Variants in GRPEL2 observed in about 807,000 individuals in gnomAD.
GRPEL2 encodes the protein grpE protein homolog 2, mitochondrial.
A neutral mutation model predicts 25.9 loss-of-function variants in GRPEL2; 18 were observed. The ratio of observed to expected loss-of-function variants is 0.70; its 90% confidence interval spans 0.48 to 1.03. The LOEUF (loss-of-function observed/expected upper bound fraction) is 1.03. GRPEL2 is among the 50% of genes least tolerant of loss of function. The probability of loss-of-function intolerance (pLI) is 0.00; values close to 1 mark genes in which losing one functional copy is unlikely to be tolerated. For missense variants in GRPEL2, 247 were observed against 276.2 expected (o/e 0.89, Z 0.75); for synonymous variants, 106 against 107.9 (o/e 0.98, Z 0.11).
At chr5:149,347,204 G>A (rs564362232) in intron 1 of GRPEL2, among the ~76,000 whole-genome samples, 519 of 152,226 alleles carry the variant, frequency 3.4e-3, no homozygotes, top group Non-Finnish European at 4.9e-3. Context: ...GATCAGCTTG[G>A]AAAGTAGGAG....
chr5:149,346,463 C>T (rs1431497642), intron 1 of GRPEL2, among the ~76,000 whole-genome samples: 2 of 152,158 alleles, frequency 1.3e-5, no homozygotes, highest in African/African-American at 4.8e-5. Context: ...ACACCTGACC[C>T]AACATCCTAC....
chr5:149,345,898 A>G, intron 1 of GRPEL2: 1 of 456,680 alleles, frequency 2.2e-6, no homozygotes, highest in Non-Finnish European at 3.9e-6. Flanking sequence ...GGGATGTACC[A>G]CTCTCCCGGC....
intron 2 of GRPEL2, among the ~76,000 whole-genome samples, chr5:149,349,418 T>C (rs536922807): frequency 6.6e-6 from 1 of 152,324 alleles, no homozygotes; most frequent in South Asian, 2.1e-4. Context: ...GATAATGAAC[T>C]TGAAACCGTT....
Position 149,351,322 on chromosome 5 carries a change from C to T in GRPEL2, c.*40C>T, listed in dbSNP as rs1366365363. 3 of 1,559,346 alleles carry T rather than the reference C, an allele frequency of 1.9e-6. No homozygotes were observed. The highest frequency in any genetic ancestry group is 1.9e-5 in the Admixed American group (1 of 52,764). On this transcript the variant is annotated 3_prime_UTR_variant, in exon 4 of 4. Transcript: ENST00000329271. ...ACTGGATGTTCTCCCAGAGCGCAGT[C>T]ACCTATGTTTCTTTTATTTATTAAA...
In GRPEL2 at chr5:149,348,418, A is replaced by G. The variant is rs756147941; in HGVS notation, c.224A>G (p.Asp75Gly). Residue 75 changes from aspartate (D) to glycine (G), a missense_variant, in exon 2 of 4, where the codon GAT (aspartate) becomes GGT (glycine). By Grantham distance (94) the Asp-to-Gly change is moderately conservative. Coordinates refer to ENST00000329271, the MANE Select transcript of GRPEL2 (RefSeq NM_152407.4). ...KAVKLEKEVQ[D>G]LTVRYQRAIA... is the part of the protein sequence containing the mutation. ...GTTAAACTGGAGAAAGAAGTCCAAG[A>G]TTTAACAGTGAGTCAATTTTATATT... 4 of 1,596,266 alleles carry G rather than the reference A, an allele frequency of 2.5e-6. No homozygotes were observed. The highest frequency in any genetic ancestry group is 3.4e-6 in the Non-Finnish European group (4 of 1,175,092).
At chr5:149,348,195 T>G (rs1223324791) in intron 1 of GRPEL2, 77 bp from the exon 2 acceptor site, 1 of 1,313,720 alleles carries the variant, frequency 7.6e-7, no homozygotes, top group Non-Finnish European at 1.1e-6. Context: ...TGGGAAGATC[T>G]CTGGTCTCTA....
chr5:149,349,949 C>T, intron 3 of GRPEL2: 1 of 554,554 alleles, frequency 1.8e-6, no homozygotes, highest in Admixed American at 3.5e-5. Flanking sequence ...GAGGCTGAGG[C>T]ACGAGAATCA....
At chr5:149,346,429 A>G (rs188892881) in intron 1 of GRPEL2, among the ~76,000 whole-genome samples, 299 of 152,310 alleles carry the variant, frequency 2.0e-3, no homozygotes, top group African/African-American at 6.8e-3. Flanking sequence ...GCTTAACTAC[A>G]TATGTCACCC....
rs112009937 is a variant in GRPEL2, at chr5:149,346,139, T to G, written c.77+523T>G. On this transcript the variant is annotated intron_variant, in intron 1 of 3. Coordinates refer to ENST00000329271, the MANE Select transcript of GRPEL2 (RefSeq NM_152407.4). ...GGCCGACTGCAGAATTATGGGTGGT[T>G]CTTTTTATTATTACCCATTTAGTAG... 4.6e-3 allele frequency among the ~76,000 whole-genome samples: 706 copies of G among 152,346 alleles called. 4 individuals are homozygous for G. The highest frequency in any genetic ancestry group is 0.016 in the African/African-American group (674 of 41,580).
chr5:149,348,349 A>G lies in GRPEL2; in HGVS notation c.155A>G (p.Glu52Gly), dbSNP rs1461290065. The G allele has an allele frequency of 1.2e-6, 2 of 1,613,364 alleles. No homozygotes were observed. Among genetic ancestry groups the G allele is most frequent in the African/African-American group, 2.7e-5 (2 of 74,896 alleles). The stretch of plus-strand genomic sequence containing the variant: ...TGCCGTTCTGAGGACCCTCCTGATG[A>G]GCTTGGGCCCCCTCTTGCTGAACGA... ...EDCRSEDPPD[E>G]LGPPLAERAL... The change falls in exon 2 of 4, where the codon GAG (glutamate) becomes GGG (glycine). Residue 52 changes from glutamate (E) to glycine (G), a missense_variant. By Grantham distance (98) the Glu-to-Gly change is moderately conservative. Coordinates refer to ENST00000329271, the MANE Select transcript of GRPEL2 (RefSeq NM_152407.4).
chr5:149,347,998 A>C (rs187211594), intron 1 of GRPEL2: 119 of 295,814 alleles, frequency 4.0e-4, no homozygotes, highest in South Asian at 9.2e-4. Context: ...TGAGCAGGCC[A>C]TTATGCCTTA....
intron 2 of GRPEL2, 134 bp downstream of exon 2, chr5:149,348,559 C>T: frequency 1.5e-6 from 1 of 685,606 alleles, no homozygotes; most frequent in South Asian, 2.2e-5. Context: ...CCCTCCTCCA[C>T]TCCTTGCTAG....
intron 3 of GRPEL2, 111 bp downstream of exon 3, chr5:149,349,846 C>G: frequency 1.3e-6 from 1 of 762,762 alleles, no homozygotes; most frequent in Non-Finnish European, 2.2e-6. Flanking sequence ...GATCAGGATT[C>G]AAGACCAGTC....
At chr5:149,346,796 G>A (rs1490953627) in intron 1 of GRPEL2, among the ~76,000 whole-genome samples, 2 of 127,928 alleles carry the variant, frequency 1.6e-5, no homozygotes, top group Non-Finnish European at 3.1e-5. Flanking sequence ...GGAGTGCAGT[G>A]GCACAATCTC....
At position 149,351,278 on chromosome 5, in the gene GRPEL2, T is replaced by G. The variant is rs767394605; in HGVS notation, c.674T>G (p.Leu225Arg). 3.7e-6 allele frequency: 6 copies of G among 1,604,214 alleles called. No homozygotes were observed. The highest frequency in any genetic ancestry group is 2.7e-5 in the African/African-American group (2 of 74,852). The stretch of plus-strand genomic sequence containing the variant: ...GTGGCAGTGGAGTCTCAGAGAAGAC[T>G]GTGAAGAGGCCATCAGGAACTGGAT... ...VEVAVESQRR[L>R] is the part of the protein sequence containing the mutation. The change falls in exon 4 of 4, where the codon CTG becomes CGG. Residue 225 changes from leucine (L) to arginine (R), a missense_variant. Physicochemically the swap from Leu to Arg is moderately radical, Grantham distance 102. This residue lies in a region of GRPEL2 where 122 missense variants were observed against 169.2 expected (regional missense o/e 0.72). Coordinates refer to ENST00000329271, the MANE Select transcript of GRPEL2 (RefSeq NM_152407.4).
At chr5:149,348,522 A>T in intron 2 of GRPEL2, 97 bp downstream of exon 2, 1 of 1,048,390 alleles carries the variant, frequency 9.5e-7, no homozygotes, top group South Asian at 1.8e-5. Context: ...GTTTTCTTTA[A>T]TTGGCTCTTT....
In GRPEL2 at chr5:149,350,900, T is replaced by C. The variant is rs1348734859; in HGVS notation, c.314-18T>C. 6.2e-7 allele frequency: 1 copy of C among 1,608,408 alleles called. No individual in the cohort carries two copies. The highest frequency in any genetic ancestry group is 1.3e-5 in the African/African-American group (1 of 74,578). On this transcript the variant is annotated intron_variant, in intron 3 of 3. Transcript: ENST00000329271. ...GTGATTTCCTCACAAACAATAAAAA[T>C]AACTGGCTTCTCTGCAGGAATCCAG...
rs1475066997 is a variant in GRPEL2 at position 149,351,595 on chromosome 5, T to G, written c.*313T>G. On this transcript the variant is annotated 3_prime_UTR_variant, in exon 4 of 4. Transcript: ENST00000329271. ...AACTATGGGTTTTCAACTACATGTT[T>G]CTTCCTAGCGGTCTCTATAACAGGA... The G allele has an allele frequency of 4.2e-6, 1 of 236,954 alleles. No individual in the cohort carries two copies. The highest frequency in any genetic ancestry group is 2.2e-5 in the African/African-American group (1 of 44,760). The allele number at this position is 236,954 out of a possible 1,614,324, so 14.7% of individuals were successfully genotyped here.
Position 149,345,610 on chromosome 5 carries a change from A to T in GRPEL2, c.71A>T (p.Glu24Val). 3 of 1,609,732 alleles carry T rather than the reference A, an allele frequency of 1.9e-6. No individual in the cohort carries two copies. Among genetic ancestry groups the T allele is most frequent in the Non-Finnish European group, 2.5e-6 (3 of 1,178,432 alleles). Residue 24 changes from glutamate (E) to valine (V), a missense_variant, in exon 1 of 4, where the codon GAG becomes GTG. Around this residue, in one of 2 missense-constraint regions of GRPEL2, gnomAD observed 125 missense variants for 107.0 expected, o/e 1.17. Coordinates refer to ENST00000329271, the MANE Select transcript of GRPEL2 (RefSeq NM_152407.4). Reference protein sequence around the residue: ...QRLLAWSAAWESKGWPLPFST... With the variant: ...QRLLAWSAAWVSKGWPLPFST... ...CTACTGGCCTGGAGTGCCGCGTGGGAGAGCAAGTAAGCATTGCAGGCGGGG... is the reference window on the plus strand; with the variant it reads ...CTACTGGCCTGGAGTGCCGCGTGGGTGAGCAAGTAAGCATTGCAGGCGGGG...
Sources: gnomAD v4.1 joint callset for allele counts (sites outside exome capture counted in the v4.1 genomes callset) on GRCh38, gnomAD v4.1.1 for gene constraint, gnomAD v4.1.1 regional missense constraint, MANE v1.5 for transcripts, NCBI Gene and HGNC (gene_info 2026-07-23, HGNC 2026-07-21) for gene names.